The following NEK1 variants were observed in gnomAD, a reference collection of about 807,000 sequenced individuals.
The protein encoded by NEK1 is NIMA related kinase 1.
In NEK1, 137 loss-of-function variants were observed where a neutral mutation model predicts 182.1. The ratio of observed to expected loss-of-function variants is 0.75; its 90% CI spans 0.65 to 0.87. NEK1 has a LOEUF of 0.87. Among genes scored for constraint, NEK1 ranks in the 40% least tolerant of loss-of-function variants. The pLI is 0.00. For synonymous variants in NEK1, 513 were observed against 492.2 expected (o/e 1.04, Z -0.56); for missense variants, 1,391 against 1,494.4 (o/e 0.93, Z 1.14).
intron 27 of NEK1, among the ~76,000 whole-genome samples, chr4:169,459,079 C>T (rs1743461234): frequency 6.6e-6 from 1 of 151,434 alleles, no homozygotes; most frequent in Non-Finnish European, 1.5e-5. Flanking sequence ...ACTTCTGATC[C>T]CAAGCATTTC....
At chr4:169,424,449 T>C in intron 31 of NEK1, 104 bp downstream of exon 31, 5 of 1,290,274 alleles carry the variant, frequency 3.9e-6, no homozygotes, top group Non-Finnish European at 5.1e-6. Context: ...TGTGTGTTTG[T>C]GTCTGTGTTA....
chr4:169,534,959 A>C (rs1758228622), intron 19 of NEK1, among the ~76,000 whole-genome samples: 1 of 152,226 alleles, frequency 6.6e-6, no homozygotes, highest in South Asian at 2.1e-4. Context: ...CCGTATGTTT[A>C]ACAACATGAA....
rs1426619266 is a variant in NEK1 at position 169,507,098 on chromosome 4, T to C, written c.1946A>G (p.Glu649Gly). 1 of 1,610,162 alleles carries C rather than the reference T, an allele frequency of 6.2e-7. No individual in the cohort carries two copies. The highest frequency in any genetic ancestry group is 1.1e-5 in the South Asian group (1 of 90,466). Residue 649 changes from glutamate to glycine, a missense_variant, in exon 23 of 36, where the codon GAA (glutamate) becomes GGA (glycine). Physicochemically the swap from Glu to Gly is moderately conservative, Grantham distance 98 (BLOSUM62 -2). Coordinates refer to ENST00000507142, the MANE Select transcript of NEK1 (RefSeq NM_001199397.3). ...CTCCTTTCTCTTTCGTTCTAGTTGT[T>C]CTTTTAGTACAGCAGCACGTGCATT... ...HANARAAVLK[E>G]QLERKRKEAY... is the part of the protein sequence containing the mutation.
chr4:169,543,135 T>A (rs1288786289), intron 18 of NEK1, among the ~76,000 whole-genome samples: 1 of 152,206 alleles, frequency 6.6e-6, no homozygotes, highest in Non-Finnish European at 1.5e-5. Context: ...TATGTTTAAA[T>A]CTTTAATCCA....
At chr4:169,442,990 T>C (rs1182118449) in intron 27 of NEK1, among the ~76,000 whole-genome samples, 2 of 152,086 alleles carry the variant, frequency 1.3e-5, no homozygotes, top group South Asian at 2.1e-4. Context: ...TGAGCTATGA[T>C]TGCACCAATG....
chr4:169,435,141 G>A lies in NEK1; in HGVS notation c.2765-1476C>T, dbSNP rs1371383192. Among the ~76,000 whole-genome samples the A allele has an allele frequency of 2.6e-5, 4 of 152,282 alleles. No homozygotes were observed. The East Asian group carries it at 7.7e-4, about 29-fold the overall frequency. Reference sequence around the variant, plus strand: ...GAAACTTATTTCTCAGAGTTCTGGAGGCTGAAGGATCCAATGTCAGGGTGC... The same window carrying A: ...GAAACTTATTTCTCAGAGTTCTGGAAGCTGAAGGATCCAATGTCAGGGTGC... On this transcript the variant is annotated intron_variant, in intron 28 of 35. Transcript: ENST00000507142.
chr4:169,468,850 G>A (rs557670520), intron 26 of NEK1, among the ~76,000 whole-genome samples: 40 of 151,384 alleles, frequency 2.6e-4, no homozygotes, highest in Non-Finnish European at 5.6e-4. Context: ...GTCTTGGGAG[G>A]GTGTATATGT....
intron 19 of NEK1, among the ~76,000 whole-genome samples, chr4:169,525,526 TATACAGG>T (rs1358486553): frequency 1.3e-5 from 2 of 152,166 alleles, no homozygotes; most frequent in Non-Finnish European, 2.9e-5. Context: ...ACTAATTTAC[TATACAGG>T]ATAATCTATA....
At chr4:169,538,382 T>C (rs950086105) in intron 18 of NEK1, among the ~76,000 whole-genome samples, 10 of 152,170 alleles carry the variant, frequency 6.6e-5, no homozygotes, top group African/African-American at 9.6e-5. Flanking sequence ...TAAAAAGCTA[T>C]GTTTGAATTC....
intron 7 of NEK1, among the ~76,000 whole-genome samples, 164 bp downstream of exon 7, chr4:169,589,283 T>G (rs977466694): frequency 6.6e-6 from 1 of 152,170 alleles, no homozygotes; most frequent in East Asian, 1.9e-4. Context: ...ATTCACCCAC[T>G]GACAAAATCA....
intron 28 of NEK1, among the ~76,000 whole-genome samples, chr4:169,434,388 T>C (rs1337145666): frequency 6.6e-6 from 1 of 151,908 alleles, no homozygotes; most frequent in Non-Finnish European, 1.5e-5. Context: ...AATTTTTGTA[T>C]TTTTAGTAGA....
chr4:169,569,442 C>T (rs1456020523), intron 12 of NEK1, among the ~76,000 whole-genome samples: 1 of 147,172 alleles, frequency 6.8e-6, no homozygotes, highest in African/African-American at 2.6e-5. Flanking sequence ...CCCTCTCCCT[C>T]TCTCCCTCCC....
chr4:169,459,954 A>T (rs904507947), intron 27 of NEK1, among the ~76,000 whole-genome samples: 11 of 152,236 alleles, frequency 7.2e-5, no homozygotes, highest in Non-Finnish European at 5.9e-5. Flanking sequence ...GTGGTTACAT[A>T]GCATTATACA....
chr4:169,611,505 T>C (rs1772321809), intron 2 of NEK1, among the ~76,000 whole-genome samples: 1 of 152,164 alleles, frequency 6.6e-6, no homozygotes. Context: ...ACATTTCTAA[T>C]GAAACATACC....
At chr4:169,432,720 T>C (rs141551058) in intron 29 of NEK1, among the ~76,000 whole-genome samples, 1 of 152,016 alleles carries the variant, frequency 6.6e-6, no homozygotes, top group Non-Finnish European at 1.5e-5. Context: ...AAGACAAGAG[T>C]GGATGGGGAC....
chr4:169,433,793 G>T, intron 28 of NEK1, 128 bp from the exon 29 acceptor site: 1 of 888,686 alleles, frequency 1.1e-6, no homozygotes, highest in Non-Finnish European at 1.7e-6. Flanking sequence ...GAAAAATTAA[G>T]TATTCTCTCT....
chr4:169,441,304 A>G (rs1739406361), intron 27 of NEK1, among the ~76,000 whole-genome samples: 1 of 152,202 alleles, frequency 6.6e-6, no homozygotes, highest in African/African-American at 2.4e-5. Flanking sequence ...GCCATCCTAG[A>G]GCCTGAGGTC....
intron 27 of NEK1, among the ~76,000 whole-genome samples, chr4:169,444,882 A>C (rs968509492): frequency 1.4e-4 from 21 of 152,156 alleles, no homozygotes; most frequent in Non-Finnish European, 8.8e-5. Flanking sequence ...TTAAAACGTA[A>C]CTACTTCATA....
At chr4:169,562,254 T>C in intron 12 of NEK1, 58 bp from the exon 13 acceptor site, 1 of 1,213,152 alleles carries the variant, frequency 8.2e-7, no homozygotes, top group Non-Finnish European at 1.2e-6. Context: ...TATTTGAAAA[T>C]CCCAAATTTA....
Sources: allele counts gnomAD v4.1 joint callset (sites outside exome capture counted in the v4.1 genomes callset), GRCh38; gene constraint gnomAD v4.1.1; transcripts MANE v1.5; gene names NCBI Gene and HGNC (gene_info 2026-07-23, HGNC 2026-07-21).